RAB3GAP2: variants seen among roughly 807,000 people sequenced by gnomAD.
RAB3GAP2 encodes RAB3 GTPase activating non-catalytic protein subunit 2.
Under a neutral mutation model 185.3 loss-of-function variants are expected in RAB3GAP2, and 87 were observed. The ratio of observed to expected loss-of-function variants is 0.47; its 90% confidence interval spans 0.39 to 0.56. The LOEUF (loss-of-function observed/expected upper bound fraction) is 0.56, where lower values mean the gene tolerates loss of function less well. Among genes scored for constraint, RAB3GAP2 ranks in the 20% least tolerant of loss-of-function variants. The probability of loss-of-function intolerance (pLI) is 0.00; values close to 1 mark genes in which losing one functional copy is unlikely to be tolerated. For synonymous variants in RAB3GAP2, 554 were observed against 576.1 expected, an observed-to-expected ratio of 0.96 and a Z score of 0.55; for missense variants, 1,492 against 1,638.2, an observed-to-expected ratio of 0.91 and a Z score of 1.54.
In RAB3GAP2 at chr1:220,182,361, G is replaced by T; in HGVS notation, c.2213-7C>A. On this transcript the variant is annotated splice_polypyrimidine_tract_variant and splice_region_variant and intron_variant, in intron 20 of 34. Coordinates refer to ENST00000358951, the MANE Select transcript of RAB3GAP2 (RefSeq NM_012414.4). ...TTCCAAAAAAAGAAACTACCTGGTA[G>T]AAGAAAAACAAAGCACATTAATCAA... 1 of 1,613,864 alleles carries T rather than the reference G, an allele frequency of 6.2e-7. No individual in the cohort carries two copies. Among genetic ancestry groups the T allele is most frequent in the Non-Finnish European group, 8.5e-7 (1 of 1,179,894 alleles).
intron 9 of RAB3GAP2, among the ~76,000 whole-genome samples, chr1:220,197,298 T>C (rs376928429): frequency 1.3e-5 from 2 of 152,066 alleles, no homozygotes; most frequent in African/African-American, 4.8e-5. Flanking sequence ...AATATAGGCG[T>C]GTGCTGCTGT....
intron 7 of RAB3GAP2, among the ~76,000 whole-genome samples, chr1:220,208,852 G>A (rs1248824496): frequency 6.6e-6 from 1 of 152,190 alleles, no homozygotes; most frequent in African/African-American, 2.4e-5. Context: ...AAGTTGCTGG[G>A]ACTACAGGCG....
intron 21 of RAB3GAP2, among the ~76,000 whole-genome samples, chr1:220,175,444 C>A (rs905862915): frequency 1.3e-5 from 2 of 152,140 alleles, no homozygotes; most frequent in African/African-American, 4.8e-5. Flanking sequence ...GTCTCGAACT[C>A]CTGACCTCGT....
chr1:220,235,848 G>C (rs548813188), intron 1 of RAB3GAP2, among the ~76,000 whole-genome samples: 2 of 152,278 alleles, frequency 1.3e-5, no homozygotes, highest in East Asian at 1.9e-4. Context: ...GAAAGACCTT[G>C]AGAAATACTT....
At chr1:220,199,608 T>C (rs541952979) in intron 9 of RAB3GAP2, among the ~76,000 whole-genome samples, 281 of 152,306 alleles carry the variant, frequency 1.8e-3, no homozygotes, top group Non-Finnish European at 3.0e-3. Context: ...GTATACTTGA[T>C]ACCTCTACTT....
chr1:220,214,318 G>A (rs1231585808), intron 2 of RAB3GAP2, among the ~76,000 whole-genome samples: 2 of 152,160 alleles, frequency 1.3e-5, no homozygotes, highest in Non-Finnish European at 2.9e-5. Flanking sequence ...AGGAGGTCAG[G>A]AGTTTGAGGC....
chr1:220,151,440 A>G, intron 34 of RAB3GAP2, 34 bp from the exon 35 acceptor site: 2 of 1,612,490 alleles, frequency 1.2e-6, no homozygotes, highest in Non-Finnish European at 1.7e-6. Context: ...CCTATTATAG[A>G]CAACTAAACA....
At position 220,229,725 on chromosome 1, in the gene RAB3GAP2, T is replaced by A. The variant is rs150892739; in HGVS notation, c.180+3074A>T. On this transcript the variant is annotated intron_variant, in intron 2 of 34. Coordinates refer to ENST00000358951, the MANE Select transcript of RAB3GAP2 (RefSeq NM_012414.4). ...AAGATGTGGCCATCTGGGTCTGAAA[T>A]ATTATACTATAGCTCAGCACCAGCA... Among the ~76,000 whole-genome samples the A allele has an allele frequency of 7.9e-5, 12 of 152,334 alleles. No individual in the cohort carries two copies. The East Asian group carries it at 2.3e-3, about 29-fold the overall frequency.
intron 21 of RAB3GAP2, among the ~76,000 whole-genome samples, chr1:220,175,966 C>T (rs1658280606): frequency 6.6e-6 from 1 of 152,010 alleles, no homozygotes; most frequent in Admixed American, 6.5e-5. Context: ...ACTATCAGAA[C>T]ATAATCATAT....
At chr1:220,213,602 C>A (rs1195983080) in intron 3 of RAB3GAP2, among the ~76,000 whole-genome samples, 1 of 150,566 alleles carries the variant, frequency 6.6e-6, no homozygotes, top group African/African-American at 2.5e-5. Flanking sequence ...ACAGTACTGC[C>A]CCTGAGGTAC....
At position 220,259,751 on chromosome 1, in the gene RAB3GAP2, T is replaced by C. The variant is rs780375575; in HGVS notation, c.115+12472A>G. ...GCAAAAATTGACAAATGTGATCTAA[T>C]TAAACAAAAGAGCTTCTGCACAGCA... is the stretch of plus-strand genomic sequence containing the variant. On this transcript the variant is annotated intron_variant, in intron 1 of 34. Transcript: ENST00000358951. Among the ~76,000 whole-genome samples the C allele has an allele frequency of 4.5e-4, 68 of 152,256 alleles. 1 individual carries two copies. The highest frequency in any genetic ancestry group is 3.9e-3 in the East Asian group (20 of 5,188).
At chr1:220,196,930 A>T (rs1002010529) in intron 9 of RAB3GAP2, among the ~76,000 whole-genome samples, 1 of 152,102 alleles carries the variant, frequency 6.6e-6, no homozygotes, top group Admixed American at 6.6e-5. Flanking sequence ...ACAGATATGA[A>T]ACTCAGAGGT....
chr1:220,185,496 T>C (rs1253029507), intron 18 of RAB3GAP2, among the ~76,000 whole-genome samples, 155 bp downstream of exon 18: 1 of 152,148 alleles, frequency 6.6e-6, no homozygotes, highest in African/African-American at 2.4e-5. Flanking sequence ...CTACATATAT[T>C]AAATAGGGAA....
chr1:220,269,452 G>A (rs766476317), intron 1 of RAB3GAP2, among the ~76,000 whole-genome samples: 3 of 152,322 alleles, frequency 2.0e-5, no homozygotes, highest in Middle Eastern at 3.4e-3. Context: ...GGCTGGGTGT[G>A]GTGGCTCATG....
intron 2 of RAB3GAP2, among the ~76,000 whole-genome samples, chr1:220,230,639 C>G (rs1013306069): frequency 1.3e-5 from 2 of 152,162 alleles, no homozygotes; most frequent in African/African-American, 4.8e-5. Context: ...TGTTCTTTTC[C>G]TCATCCTCCC....
chr1:220,205,233 A>G (rs1382144275), intron 8 of RAB3GAP2, among the ~76,000 whole-genome samples: 2 of 152,182 alleles, frequency 1.3e-5, no homozygotes, highest in East Asian at 3.8e-4. Context: ...AATGTAAACT[A>G]TAGGTAGTAA....
intron 21 of RAB3GAP2, among the ~76,000 whole-genome samples, chr1:220,178,188 G>A (rs1382145016): frequency 3.9e-5 from 6 of 152,268 alleles, no homozygotes; most frequent in South Asian, 4.1e-4. Flanking sequence ...AATACTGTAC[G>A]TGGCAAAGTT....
intron 19 of RAB3GAP2, 44 bp downstream of exon 19, chr1:220,183,992 T>G: frequency 7.2e-7 from 1 of 1,380,582 alleles, no homozygotes; most frequent in Non-Finnish European, 9.8e-7. Flanking sequence ...GTAAAACTAA[T>G]CAAAGAGATT....
intron 2 of RAB3GAP2, among the ~76,000 whole-genome samples, chr1:220,224,941 A>G (rs1166172536): frequency 6.6e-6 from 1 of 152,122 alleles, no homozygotes; most frequent in African/African-American, 2.4e-5. Flanking sequence ...AGTGTGTTTA[A>G]CCAGTAGTCA....
Sources: gnomAD v4.1 joint callset for allele counts (sites outside exome capture counted in the v4.1 genomes callset) on GRCh38, gnomAD v4.1.1 for gene constraint, MANE v1.5 for transcripts, NCBI Gene and HGNC (gene_info 2026-07-23, HGNC 2026-07-21) for gene names.